Variants in ENPP2 observed in about 807,000 individuals in gnomAD.
The protein encoded by ENPP2 is ectonucleotide pyrophosphatase/phosphodiesterase 2, also known as autotaxin.
A neutral mutation model predicts 120.2 loss-of-function variants in ENPP2; 51 were observed. The ratio of observed to expected loss-of-function variants is 0.42; its 90% CI spans 0.34 to 0.54. The LOEUF is 0.54. ENPP2 is among the 20% of genes least tolerant of loss of function. The probability of loss-of-function intolerance (pLI) is 0.04; values close to 1 mark genes in which losing one functional copy is unlikely to be tolerated. For missense variants in ENPP2, 920 were observed against 1,066.5 expected, an observed-to-expected ratio of 0.86 and a Z score of 1.91; for synonymous variants, 365 against 366.4, an observed-to-expected ratio of 1.00 and a Z score of 0.04.
At chr8:119,572,349 G>T in intron 19 of ENPP2, 2 of 893,964 alleles carry the variant, frequency 2.2e-6, no homozygotes, top group Non-Finnish European at 1.8e-6. Flanking sequence ...TCAAATTCAA[G>T]CTTGGCATCT....
chr8:119,625,108 T>A (rs1045982048), intron 3 of ENPP2, among the ~76,000 whole-genome samples: 8 of 152,164 alleles, frequency 5.3e-5, no homozygotes, highest in African/African-American at 1.9e-4. Context: ...TGATATGACA[T>A]GCCACAGACA....
intron 19 of ENPP2, among the ~76,000 whole-genome samples, chr8:119,575,195 A>C (rs2130188407): frequency 6.6e-6 from 1 of 152,286 alleles, no homozygotes; most frequent in Admixed American, 6.5e-5. Context: ...TGATGAAGGA[A>C]CTGGAGGTTT....
intron 9 of ENPP2, among the ~76,000 whole-genome samples, chr8:119,604,620 TA>T (rs1425715541): frequency 6.6e-6 from 1 of 151,886 alleles, no homozygotes; most frequent in African/African-American, 2.4e-5. Context: ...GTTAAGTATT[TA>T]CTAGTAAAGG....
intron 19 of ENPP2, among the ~76,000 whole-genome samples, chr8:119,578,054 GTTGT>G (rs990577798): frequency 9.2e-5 from 14 of 151,886 alleles, no homozygotes; most frequent in African/African-American, 1.2e-4. Flanking sequence ...TGTTGTTGTT[GTTGT>G]TTGTTTGTTT....
At chr8:119,613,663 C>T (rs1040700823) in intron 8 of ENPP2, among the ~76,000 whole-genome samples, 1 of 152,000 alleles carries the variant, frequency 6.6e-6, no homozygotes, top group Non-Finnish European at 1.5e-5. Flanking sequence ...GTAGAATATT[C>T]ATTAATTTTT....
At chr8:119,653,516 A>C (rs764542850) in intron 1 of ENPP2, among the ~76,000 whole-genome samples, 58 of 152,188 alleles carry the variant, frequency 3.8e-4, no homozygotes, top group Admixed American at 3.3e-3. Flanking sequence ...GTGTCTTGGA[A>C]AAAATAGCAG....
chr8:119,619,787 A>G (rs1244677390), intron 4 of ENPP2, among the ~76,000 whole-genome samples: 2 of 152,148 alleles, frequency 1.3e-5, no homozygotes, highest in Non-Finnish European at 2.9e-5. Flanking sequence ...ATTTGCCAAT[A>G]AATCTCCATA....
chr8:119,581,697 C>T (rs546785069), intron 18 of ENPP2, among the ~76,000 whole-genome samples: 1 of 152,220 alleles, frequency 6.6e-6, no homozygotes, highest in Admixed American at 6.5e-5. Context: ...CCCTGCTCAG[C>T]CTTGGTAAAT....
intron 1 of ENPP2, among the ~76,000 whole-genome samples, chr8:119,666,606 A>T (rs1027886167): frequency 5.9e-5 from 9 of 151,662 alleles, no homozygotes; most frequent in Non-Finnish European, 1.2e-4. Flanking sequence ...CATGGAGAAA[A>T]CCCATCTCTA....
At chr8:119,598,825 T>C (rs913811074) in intron 11 of ENPP2, among the ~76,000 whole-genome samples, 5 of 152,040 alleles carry the variant, frequency 3.3e-5, no homozygotes, top group African/African-American at 1.2e-4. Context: ...GCTCTGGGAG[T>C]CAAAAGTTCT....
rs563577964 is a variant in ENPP2 at position 119,594,687 on chromosome 8, G to T, written c.973-827C>A. On this transcript the variant is annotated intron_variant, in intron 11 of 24. Transcript: ENST00000075322. The stretch of plus-strand genomic sequence containing the variant: ...GCTCTCCATCCCCCTTTCATCTTTA[G>T]CTGTGCAATGGAAAGATTTTTAAGA... Among the ~76,000 whole-genome samples, 6 of 152,224 alleles carry T rather than the reference G, an allele frequency of 3.9e-5. 1 individual carries two copies. Among genetic ancestry groups the T allele is most frequent in the African/African-American group, 1.4e-4 (6 of 41,524 alleles).
At chr8:119,668,459 T>C (rs1170870659) in intron 1 of ENPP2, among the ~76,000 whole-genome samples, 1 of 139,944 alleles carries the variant, frequency 7.1e-6, no homozygotes, top group Non-Finnish European at 1.5e-5. Context: ...AGACAGAGTC[T>C]CACTCTGTTG....
Position 119,610,490 on chromosome 8 carries a change from A to AAGAGAG in ENPP2, c.778-2519_778-2514dup, listed in dbSNP as rs60632673. Among the ~76,000 whole-genome samples the AAGAGAG allele has an allele frequency of 8.6e-3, 1,277 of 148,134 alleles. 18 individuals are homozygous for AAGAGAG. The highest frequency in any genetic ancestry group is 0.028 in the African/African-American group (1,111 of 40,296). On this transcript the variant is annotated intron_variant, in intron 8 of 24. Transcript: ENST00000075322. ...TGAATACAAGCCGATAAGGTTATAAAAGAGAGAGAGAGAGAGAGAGAGAGA... is the reference window on the plus strand; with the variant it reads ...TGAATACAAGCCGATAAGGTTATAAAAGAGAGAGAGAGAGAGAGAGAGAGAGAGAGA...
At chr8:119,569,010 GACAC>G (rs770639503) in intron 21 of ENPP2, among the ~76,000 whole-genome samples, 2 of 152,264 alleles carry the variant, frequency 1.3e-5, no homozygotes, top group Admixed American at 6.5e-5. Flanking sequence ...TGTAAGGCGG[GACAC>G]AGAAGATTCC....
At chr8:119,649,549 A>T (rs1668363349) in intron 1 of ENPP2, among the ~76,000 whole-genome samples, 1 of 152,230 alleles carries the variant, frequency 6.6e-6, no homozygotes, top group Admixed American at 6.5e-5. Context: ...AAGAAGACCT[A>T]AATTTGGGAA....
chr8:119,574,398 T>C (rs1305369918), intron 19 of ENPP2, among the ~76,000 whole-genome samples: 1 of 151,460 alleles, frequency 6.6e-6, no homozygotes, highest in Non-Finnish European at 1.5e-5. Flanking sequence ...GGATCTAGTA[T>C]AACCTGGTCT....
intron 22 of ENPP2, among the ~76,000 whole-genome samples, chr8:119,566,058 T>G (rs1814402079): frequency 6.6e-6 from 1 of 152,198 alleles, no homozygotes; most frequent in South Asian, 2.1e-4. Context: ...CTAACTTATT[T>G]CAGGCTAAGC....
chr8:119,595,999 T>C (rs1201047691), intron 11 of ENPP2: 1 of 1,613,810 alleles, frequency 6.2e-7, no homozygotes, highest in Admixed American at 1.7e-5. Flanking sequence ...CCATAACTAC[T>C]CTCCTGTACT....
intron 1 of ENPP2, among the ~76,000 whole-genome samples, chr8:119,660,439 A>C (rs893695288): frequency 1.3e-5 from 2 of 152,190 alleles, no homozygotes; most frequent in Non-Finnish European, 2.9e-5. Context: ...TGAGCACTTT[A>C]CCACTACACC....
Sources: allele counts gnomAD v4.1 joint callset (sites outside exome capture counted in the v4.1 genomes callset), GRCh38; gene constraint gnomAD v4.1.1; transcripts MANE v1.5; gene names NCBI Gene and HGNC (gene_info 2026-07-23, HGNC 2026-07-21).